The following KIAA0232 variants were observed in gnomAD, a reference collection of about 807,000 sequenced individuals.
The protein encoded by KIAA0232 is KIAA0232, also known as uncharacterized protein KIAA0232.
KIAA0232 carries 27 observed loss-of-function variants against 122.0 expected under a neutral mutation model. That is an observed-to-expected ratio of 0.22 (90% CI 0.16 to 0.31). The LOEUF is 0.31. KIAA0232 is among the 10% of genes least tolerant of loss of function. KIAA0232 has a pLI of 1.00. For synonymous variants in KIAA0232, 613 were observed against 587.6 expected, an observed-to-expected ratio of 1.04 and a Z score of -0.63; for missense variants, 1,551 against 1,634.2, an observed-to-expected ratio of 0.95 and a Z score of 0.88.
intron 6 of KIAA0232, among the ~76,000 whole-genome samples, chr4:6,859,114 A>AC (rs1720717817): frequency 6.6e-6 from 1 of 151,496 alleles, no homozygotes; most frequent in African/African-American, 2.4e-5. Flanking sequence ...AAAAAAAAAA[A>AC]AAAAAAAAAC....
chr4:6,831,334 G>C (rs571210298), intron 3 of KIAA0232, among the ~76,000 whole-genome samples: 1 of 152,190 alleles, frequency 6.6e-6, no homozygotes, highest in African/African-American at 2.4e-5. Flanking sequence ...GATTACAGGC[G>C]TGAGCCACCA....
Position 6,811,439 on chromosome 4 carries a change from A to G in KIAA0232, c.-270+6833A>G, listed in dbSNP as rs546962237. On this transcript the variant is annotated intron_variant, in intron 2 of 9. Coordinates refer to ENST00000307659, the MANE Select transcript of KIAA0232 (RefSeq NM_014743.3). ...GTTAACAAAATTGCACCTGTACCCT[A>G]TAAGTTTTGCTTTTTCTTTCTGAGA... 2.6e-3 allele frequency among the ~76,000 whole-genome samples: 390 copies of G among 152,274 alleles called. 1 individual carries two copies. Among genetic ancestry groups the G allele is most frequent in the African/African-American group, 9.2e-3 (384 of 41,550 alleles).
Position 6,861,057 on chromosome 4 carries a change from C to T in KIAA0232, c.675C>T (p.Cys225=). The T allele has an allele frequency of 6.2e-7, 1 of 1,614,152 alleles. No individual in the cohort carries two copies. The highest frequency in any genetic ancestry group is 1.1e-5 in the South Asian group (1 of 91,086). Residue 225 remains cysteine (C), a synonymous_variant, in exon 7 of 10, where the codon TGC becomes TGT. Coordinates refer to ENST00000307659, the MANE Select transcript of KIAA0232 (RefSeq NM_014743.3). ...ASTDTSSPKD[C]NSESEVTKER... The stretch of plus-strand genomic sequence containing the variant: ...CAGATACTTCCTCTCCTAAGGACTG[C>T]AACAGTGAAAGTGAAGTCACCAAGG...
At chr4:6,786,207 A>G (rs1716612279) in intron 1 of KIAA0232, among the ~76,000 whole-genome samples, 1 of 152,252 alleles carries the variant, frequency 6.6e-6, no homozygotes, top group African/African-American at 2.4e-5. Flanking sequence ...TGTTTGCTAA[A>G]TAAAGTCAAA....
chr4:6,863,058 C>T lies in KIAA0232; in HGVS notation c.2676C>T (p.Ser892=). Residue 892 remains serine (S), a synonymous_variant, in exon 7 of 10, where the codon AGC becomes AGT. Transcript: ENST00000307659. ...ATCTGTGGGAGGGACAGAAAGAGAGCCTGGAGAAAAGAGCATTTGCTTCTA... is the reference window on the plus strand; with the variant it reads ...ATCTGTGGGAGGGACAGAAAGAGAGTCTGGAGAAAAGAGCATTTGCTTCTA... ...EYHLWEGQKE[S]LEKRAFASSE... is the part of the protein sequence containing the mutation. The T allele has an allele frequency of 6.2e-7, 1 of 1,614,170 alleles. No individual in the cohort carries two copies. The highest frequency in any genetic ancestry group is 8.5e-7 in the Non-Finnish European group (1 of 1,180,022).
intron 8 of KIAA0232, among the ~76,000 whole-genome samples, chr4:6,874,067 G>T (rs544617080): frequency 6.6e-6 from 1 of 152,208 alleles, no homozygotes; most frequent in Non-Finnish European, 1.5e-5. Context: ...ACAGTAAGGC[G>T]AGGAAACAGG....
chr4:6,812,751 C>G (rs1408385719), intron 2 of KIAA0232, among the ~76,000 whole-genome samples: 1 of 152,014 alleles, frequency 6.6e-6, no homozygotes, highest in African/African-American at 2.4e-5. Flanking sequence ...TCCACAAGGT[C>G]CACATTTTAC....
At chr4:6,813,919 T>TC (rs1717995806) in intron 2 of KIAA0232, among the ~76,000 whole-genome samples, 1 of 152,064 alleles carries the variant, frequency 6.6e-6, no homozygotes, top group African/African-American at 2.4e-5. Flanking sequence ...CTCGCCTTAC[T>TC]CCATCACACT....
At chr4:6,814,607 T>C (rs1202235742) in intron 2 of KIAA0232, among the ~76,000 whole-genome samples, 1 of 152,160 alleles carries the variant, frequency 6.6e-6, no homozygotes, top group African/African-American at 2.4e-5. Flanking sequence ...CATTTTCCCA[T>C]GCAACAGACT....
intron 1 of KIAA0232, among the ~76,000 whole-genome samples, chr4:6,790,713 G>A (rs1282000414): frequency 2.0e-5 from 3 of 151,868 alleles, no homozygotes; most frequent in African/African-American, 7.3e-5. Context: ...TGATTAGTAT[G>A]TTGCTCCTTG....
intron 1 of KIAA0232, among the ~76,000 whole-genome samples, chr4:6,788,153 C>T (rs1283129056): frequency 6.6e-6 from 1 of 152,170 alleles, no homozygotes; most frequent in Non-Finnish European, 1.5e-5. Flanking sequence ...GCCTTGGCCT[C>T]CTGAGTAGCT....
rs1186013065 is a variant in KIAA0232 at position 6,882,625 on chromosome 4, G to GTGTGTGT, written c.*1659_*1660insTGTGTGT. On this transcript the variant is annotated 3_prime_UTR_variant, in exon 10 of 10. Transcript: ENST00000307659. Reference sequence around the variant, plus strand: ...ATTTTTTGACACTTTAAGGTGGGTGGGTGTGTGTGTGTGTGTGTGTGTGCG... The same window carrying GTGTGTGT: ...ATTTTTTGACACTTTAAGGTGGGTGGTGTGTGTGTGTGTGTGTGTGTGTGTGTGTGCG... The GTGTGTGT allele has an allele frequency of 1.3e-5, 2 of 150,556 alleles. No homozygotes were observed. The highest frequency in any genetic ancestry group is 4.9e-5 in the African/African-American group (2 of 40,728). 9.3% of individuals were successfully genotyped at this position (150,556 alleles called of 1,614,324 possible). A position where few individuals can be genotyped will look rare whatever the true frequency, so the allele number is the denominator to read the frequency against.
At position 6,871,046 on chromosome 4, in the gene KIAA0232, G is replaced by A. The variant is rs193208996; in HGVS notation, c.3802-528G>A. On this transcript the variant is annotated intron_variant, in intron 7 of 9. Coordinates refer to ENST00000307659, the MANE Select transcript of KIAA0232 (RefSeq NM_014743.3). Reference sequence around the variant, plus strand: ...TTTTTTTAGTTAAGATTTTCATGTCGCTTCCCATCTAAGTACTTCTTAAGC... The same window carrying A: ...TTTTTTTAGTTAAGATTTTCATGTCACTTCCCATCTAAGTACTTCTTAAGC... Among the ~76,000 whole-genome samples the A allele has an allele frequency of 1.2e-4, 18 of 152,212 alleles. No individual in the cohort carries two copies. In the East Asian group the frequency reaches 2.3e-3, roughly 20 times the overall value.
chr4:6,814,133 C>T (rs1384809732), intron 2 of KIAA0232, among the ~76,000 whole-genome samples: 1 of 152,064 alleles, frequency 6.6e-6, no homozygotes, highest in Non-Finnish European at 1.5e-5. Context: ...TTGGGGATAA[C>T]GTAGTTTAAA....
intron 8 of KIAA0232, among the ~76,000 whole-genome samples, chr4:6,875,564 C>G (rs1001467635): frequency 3.9e-5 from 6 of 152,234 alleles, no homozygotes; most frequent in Admixed American, 3.3e-4. Flanking sequence ...AGCCTCGCTA[C>G]TCTGTGCCAA....
At chr4:6,876,860 T>C in intron 9 of KIAA0232, 103 bp downstream of exon 9, 1 of 760,884 alleles carries the variant, frequency 1.3e-6, no homozygotes, top group South Asian at 1.5e-5. Context: ...GGACCCCACC[T>C]CTCCCAGGAA....
chr4:6,858,943 C>G lies in KIAA0232; in HGVS notation c.518+437C>G, dbSNP rs532241739. Among the ~76,000 whole-genome samples, 4 of 151,906 alleles carry G rather than the reference C, an allele frequency of 2.6e-5. No individual in the cohort carries two copies. In the East Asian group the frequency reaches 7.8e-4, roughly 30 times the overall value. ...TGGTCAACATGGTGAAACCCAGTCTCAAATATTAGTTGAGCATGGTGGTAC... is the reference window on the plus strand; with the variant it reads ...TGGTCAACATGGTGAAACCCAGTCTGAAATATTAGTTGAGCATGGTGGTAC... On this transcript the variant is annotated intron_variant, in intron 6 of 9. Transcript: ENST00000307659.
chr4:6,878,327 A>C (rs1197712180), intron 9 of KIAA0232, among the ~76,000 whole-genome samples: 1 of 152,184 alleles, frequency 6.6e-6, no homozygotes, highest in Non-Finnish European at 1.5e-5. Flanking sequence ...GTGAGCTGAG[A>C]TCGCACCACT....
chr4:6,873,926 A>G (rs1179122077), intron 8 of KIAA0232, among the ~76,000 whole-genome samples: 1 of 152,192 alleles, frequency 6.6e-6, no homozygotes, highest in Admixed American at 6.5e-5. Flanking sequence ...CCTACTCAGC[A>G]GAAGTGGCTG....
Sources: gnomAD v4.1 joint callset for allele counts (sites outside exome capture counted in the v4.1 genomes callset) on GRCh38, gnomAD v4.1.1 for gene constraint, MANE v1.5 for transcripts, NCBI Gene and HGNC (gene_info 2026-07-23, HGNC 2026-07-21) for gene names.